ZFAT: variants seen among roughly 807,000 people sequenced by gnomAD.
ZFAT encodes the protein zinc finger and AT-hook domain containing, also known as zinc finger protein ZFAT.
Under a neutral mutation model 117.7 loss-of-function variants are expected in ZFAT, and 64 were observed. That is an observed-to-expected ratio of 0.54 (90% CI 0.44 to 0.67). The LOEUF (loss-of-function observed/expected upper bound fraction) is 0.67. Among genes scored for constraint, ZFAT ranks in the 30% least tolerant of loss-of-function variants. The pLI, the probability that ZFAT is intolerant of heterozygous loss-of-function variation, is 0.00. For synonymous variants in ZFAT, 679 were observed against 615.0 expected (o/e 1.10, Z -1.54); for missense variants, 1,433 against 1,584.5 (o/e 0.90, Z 1.62).
the ZFAT span, among the ~76,000 whole-genome samples, chr8:134,807,404 A>G: frequency 2.6e-5 from 4 of 151,954 alleles, no homozygotes; most frequent in African/African-American, 9.7e-5. Flanking sequence ...AATTAACAGG[A>G]AACAACATTT....
At chr8:134,640,239 C>T (rs780936446) in intron 2 of ZFAT, among the ~76,000 whole-genome samples, 32 of 152,292 alleles carry the variant, frequency 2.1e-4, no homozygotes, top group Non-Finnish European at 4.3e-4. Flanking sequence ...TGAGAGAGGC[C>T]GCAGGGACCT....
chr8:134,539,448 T>G (rs1822086766), intron 11 of ZFAT, among the ~76,000 whole-genome samples: 1 of 152,226 alleles, frequency 6.6e-6, no homozygotes, highest in African/African-American at 2.4e-5. Context: ...ACCCCTTTGT[T>G]GATAAGCCTA....
chr8:134,804,843 G>C, the ZFAT span: 778 of 533,510 alleles, frequency 1.5e-3, 6 homozygotes, highest in African/African-American at 0.014. Context: ...CTCCGGGACA[G>C]AATTATATCA....
intron 1 of ZFAT, among the ~76,000 whole-genome samples, chr8:134,695,203 G>A (rs1244427974): frequency 6.6e-6 from 1 of 152,156 alleles, no homozygotes. Flanking sequence ...ATCCTCCCCG[G>A]GAGGCACCCC....
intron 4 of ZFAT, among the ~76,000 whole-genome samples, chr8:134,609,945 T>G (rs552056232): frequency 4.4e-4 from 67 of 152,308 alleles, no homozygotes; most frequent in African/African-American, 1.5e-3. Flanking sequence ...AAAATGAGAA[T>G]AGAACTCTAA....
intron 2 of ZFAT, among the ~76,000 whole-genome samples, chr8:134,657,266 G>C (rs1831663730): frequency 6.6e-6 from 1 of 152,210 alleles, no homozygotes; most frequent in South Asian, 2.1e-4. Context: ...AATGCAGCCA[G>C]TAGGTACTAG....
intron 15 of ZFAT, among the ~76,000 whole-genome samples, chr8:134,484,017 C>T (rs1479046878): frequency 1.3e-5 from 2 of 152,232 alleles, no homozygotes; most frequent in Non-Finnish European, 2.9e-5. Context: ...CCTCTCCTCA[C>T]TTCCTTCGTA....
chr8:134,682,367 T>C (rs1833109620), intron 1 of ZFAT, among the ~76,000 whole-genome samples: 1 of 152,208 alleles, frequency 6.6e-6, no homozygotes, highest in African/African-American at 2.4e-5. Flanking sequence ...TGCTAAAATC[T>C]AAGTCTGGCC....
the ZFAT span, among the ~76,000 whole-genome samples, chr8:134,822,778 GT>G: frequency 5.9e-5 from 9 of 152,048 alleles, no homozygotes; most frequent in Non-Finnish European, 8.8e-5. Flanking sequence ...ATAGGACATG[GT>G]CCCTGACACA....
chr8:134,619,735 C>G (rs977252671), intron 3 of ZFAT, among the ~76,000 whole-genome samples: 4 of 152,224 alleles, frequency 2.6e-5, no homozygotes, highest in Non-Finnish European at 5.9e-5. Context: ...CTTGCAGCCA[C>G]TCAGGACGCT....
intron 1 of ZFAT, among the ~76,000 whole-genome samples, chr8:134,681,759 C>A (rs560806384): frequency 3.3e-5 from 5 of 152,178 alleles, no homozygotes; most frequent in African/African-American, 1.2e-4. Flanking sequence ...CTGAGTTATA[C>A]TTTTGTTTTC....
At chr8:134,696,168 C>T (rs1833831413) in intron 1 of ZFAT, among the ~76,000 whole-genome samples, 1 of 152,108 alleles carries the variant, frequency 6.6e-6, no homozygotes, top group Admixed American at 6.5e-5. Context: ...GGTGCCACCC[C>T]CAGGCCCTGG....
In ZFAT at chr8:134,682,286, C is replaced by T. The variant is rs149836139; in HGVS notation, c.20-24549G>A. Among the ~76,000 whole-genome samples, 735 of 152,288 alleles carry T rather than the reference C, an allele frequency of 4.8e-3. 4 individuals are homozygous for T. The highest frequency in any genetic ancestry group is 0.037 in the Middle Eastern group (11 of 294). On this transcript the variant is annotated intron_variant, in intron 1 of 15. Transcript: ENST00000377838. Reference sequence around the variant, plus strand: ...TACATACCACTAAAAAAGATAAAAACGCTGCCAAATAAACTCAGAGACACT... The same window carrying T: ...TACATACCACTAAAAAAGATAAAAATGCTGCCAAATAAACTCAGAGACACT...
the ZFAT span, among the ~76,000 whole-genome samples, chr8:134,814,484 G>A: frequency 2.0e-5 from 3 of 152,320 alleles, no homozygotes; most frequent in South Asian, 6.2e-4. Context: ...TTACTGGTCA[G>A]ACATGGATTA....
At chr8:134,687,852 T>A (rs762219803) in intron 1 of ZFAT, among the ~76,000 whole-genome samples, 78 of 152,170 alleles carry the variant, frequency 5.1e-4, no homozygotes, top group Non-Finnish European at 5.4e-4. Flanking sequence ...CAGCTGTTGG[T>A]CTGCGTTGCT....
rs1372877683 is a variant in ZFAT, at chr8:134,601,897, C to G, written c.1822G>C (p.Ala608Pro). ...GGGGGCTTCTCAGGAGCAGCATGAGCCTCTGCGGAGGAGGTATCATTTTTC... is the reference window on the plus strand; with the variant it reads ...GGGGGCTTCTCAGGAGCAGCATGAGGCTCTGCGGAGGAGGTATCATTTTTC... ...LLKNDTSSAEAHAAPEKPPDM... is the reference protein window; with the variant it reads ...LLKNDTSSAEPHAAPEKPPDM... Residue 608 changes from alanine to proline, a missense_variant, in exon 6 of 16, where the codon GCT becomes CCT. Transcript: ENST00000377838. 6.5e-5 allele frequency: 105 copies of G among 1,613,552 alleles called. No homozygotes were observed. The highest frequency in any genetic ancestry group is 8.8e-5 in the Non-Finnish European group (104 of 1,179,790).
chr8:134,490,319 CA>C (rs1382297011), intron 15 of ZFAT, among the ~76,000 whole-genome samples: 1 of 152,220 alleles, frequency 6.6e-6, no homozygotes, highest in East Asian at 1.9e-4. Flanking sequence ...AAAAGAGGGA[CA>C]AAGTCCCATC....
At chr8:134,672,644 A>G (rs1832616616) in intron 1 of ZFAT, among the ~76,000 whole-genome samples, 1 of 152,232 alleles carries the variant, frequency 6.6e-6, no homozygotes, top group Non-Finnish European at 1.5e-5. Context: ...AGTAATGAAA[A>G]AAAGTCTGTA....
chr8:134,514,723 T>A (rs1285215587), intron 13 of ZFAT, among the ~76,000 whole-genome samples: 1 of 152,158 alleles, frequency 6.6e-6, no homozygotes, highest in Non-Finnish European at 1.5e-5. Context: ...TATAAAAAAA[T>A]TTTCAATACA....
Sources: gnomAD v4.1 joint callset for allele counts (sites outside exome capture counted in the v4.1 genomes callset) on GRCh38, gnomAD v4.1.1 for gene constraint, MANE v1.5 for transcripts, NCBI Gene and HGNC (gene_info 2026-07-23, HGNC 2026-07-21) for gene names.